CH25H: variants seen among roughly 807,000 people sequenced by gnomAD.
The protein encoded by CH25H is cholesterol 25-monooxygenase.
In CH25H, 10 loss-of-function variants were observed where a neutral mutation model predicts 16.6. The observed-to-expected ratio is 0.60, with a 90% CI of 0.37 to 1.02. CH25H has a LOEUF of 1.02. Ranked by LOEUF, CH25H falls within the 50% of genes least tolerant of loss-of-function variation. CH25H has a pLI of 0.01. For synonymous variants in CH25H, 178 were observed against 158.8 expected, an observed-to-expected ratio of 1.12 and a Z score of -0.91; for missense variants, 326 against 344.7, an observed-to-expected ratio of 0.95 and a Z score of 0.43.
chr10:89,206,402 C>T lies in CH25H; in HGVS notation c.*72G>A. ...AGTTGCTTTAAAAAAATATATAGCTCAGGTGTTTCTCTTCATTCAAGTGTG... is the reference window on the plus strand; with the variant it reads ...AGTTGCTTTAAAAAAATATATAGCTTAGGTGTTTCTCTTCATTCAAGTGTG... On this transcript the variant is annotated 3_prime_UTR_variant, in exon 1 of 1. Transcript: ENST00000371852. 3 of 1,139,502 alleles carry T rather than the reference C, an allele frequency of 2.6e-6. No individual in the cohort carries two copies. Among genetic ancestry groups the T allele is most frequent in the Non-Finnish European group, 3.8e-6 (3 of 790,992 alleles). The allele number at this position is 1,139,502 out of a possible 1,614,324, so 70.6% of individuals were successfully genotyped here.
Position 89,207,049 on chromosome 10 carries a change from G to T in CH25H, c.244C>A (p.Gln82Lys), listed in dbSNP as rs775929948. Reference sequence around the variant, plus strand: ...TGCCCCAGGCAAGGTAGCAGCTGCTGCGCGGATGGCGAGAAGTCAGGGTGG... The same window carrying T: ...TGCCCCAGGCAAGGTAGCAGCTGCTTCGCGGATGGCGAGAAGTCAGGGTGG... ...KIHPDFSPSA[Q>K]QLLPCLGQTL... is the part of the protein sequence containing the mutation. The change falls in exon 1 of 1, where the codon CAG becomes AAG. Residue 82 changes from glutamine (Q) to lysine (K), a missense_variant. Transcript: ENST00000371852. The T allele has an allele frequency of 6.2e-7, 1 of 1,614,078 alleles. No individual in the cohort carries two copies. The highest frequency in any genetic ancestry group is 8.5e-7 in the Non-Finnish European group (1 of 1,179,974).
chr10:89,206,086 A>G lies in CH25H; in HGVS notation c.*388T>C. 1 of 186,736 alleles carries G rather than the reference A, an allele frequency of 5.4e-6. No homozygotes were observed. Among genetic ancestry groups the G allele is most frequent in the South Asian group, 1.1e-4 (1 of 8,810 alleles). 11.6% of individuals were successfully genotyped at this position (186,736 alleles called of 1,614,324 possible). ...ATGTTTGATTGCTTTTAGAGTCAGA[A>G]GTCAACACCATCCACAAAAATACAT... is the stretch of plus-strand genomic sequence containing the variant. On this transcript the variant is annotated 3_prime_UTR_variant, in exon 1 of 1. Coordinates refer to ENST00000371852, the MANE Select transcript of CH25H (RefSeq NM_003956.4).
chr10:89,206,308 T>C lies in CH25H; in HGVS notation c.*166A>G. On this transcript the variant is annotated 3_prime_UTR_variant, in exon 1 of 1. Coordinates refer to ENST00000371852, the MANE Select transcript of CH25H (RefSeq NM_003956.4). ...GATACACAAACAGTATGTAAATTACTTTGTCAGATTACAAAAATGCATCAG... is the reference window on the plus strand; with the variant it reads ...GATACACAAACAGTATGTAAATTACCTTGTCAGATTACAAAAATGCATCAG... 1.6e-6 allele frequency: 1 copy of C among 620,658 alleles called. No homozygotes were observed. Among genetic ancestry groups the C allele is most frequent in the Non-Finnish European group, 2.8e-6 (1 of 357,340 alleles). 38.4% of individuals were successfully genotyped at this position (620,658 alleles called of 1,614,324 possible). A position where few individuals can be genotyped will look rare whatever the true frequency, so the allele number is the denominator to read the frequency against.
Position 89,206,583 on chromosome 10 carries a change from A to C in CH25H, c.710T>G (p.Val237Gly). ...LVPFGWYGGV[V>G]HHDLHHSHFN... ...GTGAGAGTGATGCAGGTCGTGGTGC[A>C]CCACACCCCCGTACCACCCGAAGGG... Residue 237 changes from valine (V) to glycine (G), a missense_variant, in exon 1 of 1, where the codon GTG becomes GGG. Val to Gly is a moderately radical substitution (Grantham distance 109, BLOSUM62 -3). Coordinates refer to ENST00000371852, the MANE Select transcript of CH25H (RefSeq NM_003956.4). 40 of 1,614,144 alleles carry C rather than the reference A, an allele frequency of 2.5e-5. No homozygotes were observed. The highest frequency in any genetic ancestry group is 3.4e-5 in the Non-Finnish European group (40 of 1,180,020).
At position 89,205,924 on chromosome 10, in the gene CH25H, C is replaced by T. The variant is rs75021885; in HGVS notation, c.*550G>A. The T allele has an allele frequency of 0.016, 2,386 of 153,308 alleles. 71 individuals carry two copies. The highest frequency in any genetic ancestry group is 0.053 in the African/African-American group (2,196 of 41,494). The allele number at this position is 153,308 out of a possible 1,614,324, so 9.5% of individuals were successfully genotyped here. ...TTTATCAGTCAAAATACCAGTGAAA[C>T]GGAAGTCAATACTTATTTGATTCAT... On this transcript the variant is annotated 3_prime_UTR_variant, in exon 1 of 1. Coordinates refer to ENST00000371852, the MANE Select transcript of CH25H (RefSeq NM_003956.4).
chr10:89,207,046 G>C lies in CH25H; in HGVS notation c.247C>G (p.Gln83Glu). The change falls in exon 1 of 1, where the codon CAG (glutamine) becomes GAG (glutamate). Residue 83 changes from glutamine to glutamate, a missense_variant. Physicochemically the swap from Gln to Glu is conservative, Grantham distance 29. Transcript: ENST00000371852. ...IHPDFSPSAQ[Q>E]LLPCLGQTLY... ...GTCTGCCCCAGGCAAGGTAGCAGCT[G>C]CTGCGCGGATGGCGAGAAGTCAGGG... The C allele has an allele frequency of 7.4e-6, 12 of 1,614,088 alleles. No homozygotes were observed. Among genetic ancestry groups the C allele is most frequent in the Non-Finnish European group, 1.0e-5 (12 of 1,179,988 alleles).
chr10:89,206,921 C>T lies in CH25H; in HGVS notation c.372G>A (p.Leu124=). The change falls in exon 1 of 1, where the codon CTG becomes CTA. Residue 124 remains leucine, a synonymous_variant. Coordinates refer to ENST00000371852, the MANE Select transcript of CH25H (RefSeq NM_003956.4). ...LPHEAPELLL[L]LHHILFCLLL... ...GCAGGCAGAACAGGATGTGGTGCAG[C>T]AGCAGGAGCAGCTCGGGAGCTTCGT... is the stretch of plus-strand genomic sequence containing the variant. The T allele has an allele frequency of 6.2e-7, 1 of 1,614,176 alleles. No homozygotes were observed. Among genetic ancestry groups the T allele is most frequent in the Non-Finnish European group, 8.5e-7 (1 of 1,180,042 alleles).
rs774758539 is a variant in CH25H, at chr10:89,206,971, C to T, written c.322G>A (p.Ala108Thr). ...TGGGGCAGGAGGGCCGGGCTGCGGG[C>T]CCAATGCAGCAGCGTCACGGGGAAC... The part of the protein sequence containing the change: ...FVFPVTLLHW[A>T]RSPALLPHEA... The change falls in exon 1 of 1, where the codon GCC (alanine) becomes ACC (threonine). Residue 108 changes from alanine (A) to threonine (T), a missense_variant. Physicochemically the swap from Ala to Thr is moderately conservative, Grantham distance 58. Transcript: ENST00000371852. The T allele has an allele frequency of 1.2e-6, 2 of 1,614,096 alleles. No individual in the cohort carries two copies. Among genetic ancestry groups the T allele is most frequent in the Admixed American group, 1.7e-5 (1 of 60,024 alleles).
In CH25H at chr10:89,206,967, C is replaced by T; in HGVS notation, c.326G>A (p.Arg109His). The T allele has an allele frequency of 1.9e-6, 3 of 1,614,082 alleles. No individual in the cohort carries two copies. Among genetic ancestry groups the T allele is most frequent in the Middle Eastern group, 1.6e-4 (1 of 6,062 alleles). ...TTCGTGGGGCAGGAGGGCCGGGCTG[C>T]GGGCCCAATGCAGCAGCGTCACGGG... is the stretch of plus-strand genomic sequence containing the variant. ...VFPVTLLHWARSPALLPHEAP... is the reference protein window; with the variant it reads ...VFPVTLLHWAHSPALLPHEAP... Residue 109 changes from arginine (R) to histidine (H), a missense_variant, in exon 1 of 1, where the codon CGC becomes CAC. Transcript: ENST00000371852.
Position 89,206,789 on chromosome 10 carries a change from C to T in CH25H, c.504G>A (p.Ala168=), listed in dbSNP as rs4078488. Residue 168 remains alanine, a synonymous_variant, in exon 1 of 1, where the codon GCG becomes GCA. Transcript: ENST00000371852. ...AGACGCTCATATACTGCGTTGCCAG[C>T]GCGAACGAGGACGAGTTCTGGTGGT... is the stretch of plus-strand genomic sequence containing the variant. ...KVHHQNSSSF[A]LATQYMSVWE... 238,060 of 1,614,092 alleles carry T rather than the reference C, an allele frequency of 0.15. 30,213 individuals are homozygous for T. The highest frequency in any genetic ancestry group is 0.76 in the East Asian group (34,135 of 44,866).
chr10:89,207,029 C>G lies in CH25H; in HGVS notation c.264G>C (p.Leu88=). The change falls in exon 1 of 1, where the codon CTG becomes CTC. Residue 88 remains leucine, a synonymous_variant. Transcript: ENST00000371852. The part of the protein sequence containing the change: ...SPSAQQLLPC[L]GQTLYQHVMF... ...TCACATGCTGGTAGAGGGTCTGCCC[C>G]AGGCAAGGTAGCAGCTGCTGCGCGG... 6.2e-7 allele frequency: 1 copy of G among 1,614,124 alleles called. No homozygotes were observed. The highest frequency in any genetic ancestry group is 8.5e-7 in the Non-Finnish European group (1 of 1,180,012).
chr10:89,207,257 A>G lies in CH25H; in HGVS notation c.36T>C (p.Leu12=). Residue 12 remains leucine (L), a synonymous_variant, in exon 1 of 1, where the codon CTT becomes CTC. Transcript: ENST00000371852. ...GCAGGAACAGCTGCCCGGAGCTGCA[A>G]AGGACCTGGGGGTCGGAGCAGTTGT... ...SCHNCSDPQV[L]CSSGQLFLQP... The G allele has an allele frequency of 6.3e-7, 1 of 1,594,684 alleles. No homozygotes were observed. The highest frequency in any genetic ancestry group is 8.5e-7 in the Non-Finnish European group (1 of 1,171,844).
rs1842511303 is a variant in CH25H at position 89,206,913 on chromosome 10, T to C, written c.380A>G (p.His127Arg). 6.2e-7 allele frequency: 1 copy of C among 1,614,180 alleles called. No homozygotes were observed. The highest frequency in any genetic ancestry group is 1.1e-5 in the South Asian group (1 of 91,080). ...GAAGAGTAGCAGGCAGAACAGGATG[T>C]GGTGCAGCAGCAGGAGCAGCTCGGG... is the stretch of plus-strand genomic sequence containing the variant. Reference protein sequence around the residue: ...EAPELLLLLHHILFCLLLFDM... With the variant: ...EAPELLLLLHRILFCLLLFDM... The change falls in exon 1 of 1, where the codon CAC becomes CGC. Residue 127 changes from histidine (H) to arginine (R), a missense_variant. Transcript: ENST00000371852.
rs750559226 is a variant in CH25H, at chr10:89,207,069, G to A, written c.224C>T (p.Pro75Leu). The A allele has an allele frequency of 1.2e-6, 2 of 1,614,058 alleles. No homozygotes were observed. Among genetic ancestry groups the A allele is most frequent in the East Asian group, 2.2e-5 (1 of 44,886 alleles). The change falls in exon 1 of 1, where the codon CCT (proline) becomes CTT (leucine). Residue 75 changes from proline (P) to leucine (L), a missense_variant. Pro to Leu is a moderately conservative substitution (Grantham distance 98, BLOSUM62 -3). Coordinates refer to ENST00000371852, the MANE Select transcript of CH25H (RefSeq NM_003956.4). ...CTGCTGCGCGGATGGCGAGAAGTCA[G>A]GGTGGATCTTGTAGCGCCGCAGGGC... ...VPALRRYKIH[P>L]DFSPSAQQLL...
chr10:89,206,266 G>A lies in CH25H; in HGVS notation c.*208C>T, dbSNP rs1842503384. ...AGGTGAGCTAGACTAAGAATACCAA[G>A]AACACAAAATTGTATTGATACACAA... On this transcript the variant is annotated 3_prime_UTR_variant, in exon 1 of 1. Coordinates refer to ENST00000371852, the MANE Select transcript of CH25H (RefSeq NM_003956.4). 1.2e-5 allele frequency: 7 copies of A among 561,428 alleles called. No homozygotes were observed. Among genetic ancestry groups the A allele is most frequent in the South Asian group, 6.5e-5 (3 of 45,926 alleles). 34.8% of individuals were successfully genotyped at this position (561,428 alleles called of 1,614,324 possible). A position where few individuals can be genotyped will look rare whatever the true frequency, so the allele number is the denominator to read the frequency against.
chr10:89,206,775 T>A lies in CH25H; in HGVS notation c.518A>T (p.Tyr173Phe), dbSNP rs1842509670. Residue 173 changes from tyrosine (Y) to phenylalanine (F), a missense_variant, in exon 1 of 1, where the codon TAT becomes TTT. Physicochemically the swap from Tyr to Phe is conservative, Grantham distance 22 (BLOSUM62 3). Transcript: ENST00000371852. Reference protein sequence around the residue: ...NSSSFALATQYMSVWELFSLG... With the variant: ...NSSSFALATQFMSVWELFSLG... ...AGAAAACAGTTCCCAGACGCTCATATACTGCGTTGCCAGCGCGAACGAGGA... is the reference window on the plus strand; with the variant it reads ...AGAAAACAGTTCCCAGACGCTCATAAACTGCGTTGCCAGCGCGAACGAGGA... 1 of 1,614,126 alleles carries A rather than the reference T, an allele frequency of 6.2e-7. No homozygotes were observed. Among genetic ancestry groups the A allele is most frequent in the African/African-American group, 1.3e-5 (1 of 74,930 alleles).
Position 89,207,194 on chromosome 10 carries a change from G to A in CH25H, c.99C>T (p.Leu33=). 6.2e-7 allele frequency: 1 copy of A among 1,610,746 alleles called. No individual in the cohort carries two copies. Among genetic ancestry groups the A allele is most frequent in the Non-Finnish European group, 8.5e-7 (1 of 1,178,630 alleles). The change falls in exon 1 of 1, where the codon CTC becomes CTT. Residue 33 remains leucine, a synonymous_variant. Coordinates refer to ENST00000371852, the MANE Select transcript of CH25H (RefSeq NM_003956.4). ...TGACCGGGAAGAAGGGCGACTGTAG[G>A]AGGGCCTCCCAGCTCCTCAGGTGGT... ...LWDHLRSWEA[L]LQSPFFPVIF...
Position 89,206,290 on chromosome 10 carries a change from A to T in CH25H, c.*184T>A. The stretch of plus-strand genomic sequence containing the variant: ...AGAACACAAAATTGTATTGATACAC[A>T]AACAGTATGTAAATTACTTTGTCAG... On this transcript the variant is annotated 3_prime_UTR_variant, in exon 1 of 1. Coordinates refer to ENST00000371852, the MANE Select transcript of CH25H (RefSeq NM_003956.4). 1 of 597,532 alleles carries T rather than the reference A, an allele frequency of 1.7e-6. No individual in the cohort carries two copies. The highest frequency in any genetic ancestry group is 2.9e-6 in the Non-Finnish European group (1 of 339,180). 37.0% of individuals were successfully genotyped at this position (597,532 alleles called of 1,614,324 possible). A position where few individuals can be genotyped will look rare whatever the true frequency, so the allele number is the denominator to read the frequency against.
Position 89,207,003 on chromosome 10 carries a change from A to G in CH25H, c.290T>C (p.Met97Thr). ...CAGCAGCGTCACGGGGAACACAAAC[A>G]TCACATGCTGGTAGAGGGTCTGCCC... Reference protein sequence around the residue: ...CLGQTLYQHVMFVFPVTLLHW... With the variant: ...CLGQTLYQHVTFVFPVTLLHW... The change falls in exon 1 of 1, where the codon ATG becomes ACG. Residue 97 changes from methionine (M) to threonine (T), a missense_variant. By Grantham distance (81) the Met-to-Thr change is moderately conservative. Coordinates refer to ENST00000371852, the MANE Select transcript of CH25H (RefSeq NM_003956.4). The G allele has an allele frequency of 6.2e-7, 1 of 1,614,112 alleles. No individual in the cohort carries two copies. The highest frequency in any genetic ancestry group is 2.2e-5 in the East Asian group (1 of 44,886).
Sources: allele counts gnomAD v4.1 joint callset, GRCh38; gene constraint gnomAD v4.1.1; transcripts MANE v1.5; gene names NCBI Gene and HGNC (gene_info 2026-07-23, HGNC 2026-07-21).